The following IGSF21 variants were observed in gnomAD, a reference collection of about 807,000 sequenced individuals.
The protein encoded by IGSF21 is immunoglobin superfamily member 21.
A neutral mutation model predicts 46.8 loss-of-function variants in IGSF21; 28 were observed. The observed-to-expected ratio is 0.60, with a 90% confidence interval of 0.44 to 0.82. IGSF21 has a LOEUF of 0.82. Among genes scored for constraint, IGSF21 ranks in the 40% least tolerant of loss-of-function variants. The probability of loss-of-function intolerance (pLI) is 0.00; values close to 1 mark genes in which losing one functional copy is unlikely to be tolerated. For synonymous variants in IGSF21, 284 were observed against 273.6 expected, an observed-to-expected ratio of 1.04 and a Z score of -0.38; for missense variants, 624 against 665.5, an observed-to-expected ratio of 0.94 and a Z score of 0.69.
At chr1:18,304,229 C>T (rs2085389636) in intron 3 of IGSF21, among the ~76,000 whole-genome samples, 1 of 152,182 alleles carries the variant, frequency 6.6e-6, no homozygotes, top group Admixed American at 6.5e-5. Context: ...CTTGCTCTGG[C>T]TGAGGGTGTA....
intron 2 of IGSF21, among the ~76,000 whole-genome samples, chr1:18,285,478 T>C (rs1438404178): frequency 6.6e-6 from 1 of 152,170 alleles, no homozygotes; most frequent in Non-Finnish European, 1.5e-5. Context: ...CTGACTCTTC[T>C]AGAATCAGAA....
intron 2 of IGSF21, chr1:18,278,986 G>C (rs1054991646): frequency 5.6e-5 from 26 of 461,218 alleles, no homozygotes; most frequent in African/African-American, 3.2e-4. Context: ...TGAAGCTATA[G>C]AACTAAGCTA....
chr1:18,293,908 C>T (rs976635601), intron 3 of IGSF21, among the ~76,000 whole-genome samples: 16 of 152,196 alleles, frequency 1.1e-4, no homozygotes, highest in South Asian at 4.1e-4. Flanking sequence ...GAGCACCACC[C>T]TCTCCTGCTT....
chr1:18,153,228 C>T (rs980329665), intron 1 of IGSF21, among the ~76,000 whole-genome samples: 3 of 152,176 alleles, frequency 2.0e-5, no homozygotes, highest in Non-Finnish European at 4.4e-5. Context: ...CATTCCCGGG[C>T]GTTGCTTCAG....
chr1:18,315,593 T>C (rs1409131578), intron 3 of IGSF21, among the ~76,000 whole-genome samples: 1 of 78,116 alleles, frequency 1.3e-5, no homozygotes, highest in Non-Finnish European at 2.8e-5. Flanking sequence ...GGGTAGAGGG[T>C]GGATGGACAG....
chr1:18,131,823 G>T (rs1472206392), intron 1 of IGSF21, among the ~76,000 whole-genome samples: 1 of 152,158 alleles, frequency 6.6e-6, no homozygotes, highest in Non-Finnish European at 1.5e-5. Context: ...GCCTGGAAGT[G>T]GCACATGCCT....
At chr1:18,127,517 C>T (rs778998354) in intron 1 of IGSF21, among the ~76,000 whole-genome samples, 9 of 152,040 alleles carry the variant, frequency 5.9e-5, no homozygotes, top group Non-Finnish European at 1.3e-4. Context: ...AGGGTGGGGC[C>T]TACTTAGGTC....
At chr1:18,329,305 AT>A (rs1181073572) in intron 3 of IGSF21, among the ~76,000 whole-genome samples, 3 of 152,216 alleles carry the variant, frequency 2.0e-5, no homozygotes, top group South Asian at 2.1e-4. Context: ...ACCTCCCCAG[AT>A]GCTGTAATCC....
intron 4 of IGSF21, among the ~76,000 whole-genome samples, chr1:18,359,383 A>AAGGAAGGAAGGAAGG: frequency 1.6e-5 from 1 of 61,106 alleles, no homozygotes; most frequent in Non-Finnish European, 3.2e-5. Flanking sequence ...AGAAAGAAAG[A>AAGGAAGGAAGGAAGG]AAGGAAGGAA....
At chr1:18,368,782 G>A (rs1019101274) in intron 6 of IGSF21, among the ~76,000 whole-genome samples, 4 of 152,244 alleles carry the variant, frequency 2.6e-5, no homozygotes, top group South Asian at 2.1e-4. Context: ...GGCTTCCAGC[G>A]GGGTGGCACC....
At chr1:18,301,364 C>T (rs544585648) in intron 3 of IGSF21, among the ~76,000 whole-genome samples, 67 of 152,206 alleles carry the variant, frequency 4.4e-4, no homozygotes, top group African/African-American at 1.6e-3. Flanking sequence ...TTTTGAGACA[C>T]AGTCTTGCTC....
chr1:18,268,448 G>A (rs2124543084), intron 2 of IGSF21, among the ~76,000 whole-genome samples: 1 of 152,282 alleles, frequency 6.6e-6, no homozygotes, highest in South Asian at 2.1e-4. Context: ...AGTGCTTTTG[G>A]GCTGTGGCTG....
intron 1 of IGSF21, among the ~76,000 whole-genome samples, chr1:18,142,294 C>G (rs548530884): frequency 6.6e-6 from 1 of 152,148 alleles, no homozygotes; most frequent in Non-Finnish European, 1.5e-5. Context: ...GTAGGAGGCT[C>G]GTCTCCATTT....
At chr1:18,327,005 A>G (rs914562685) in intron 3 of IGSF21, among the ~76,000 whole-genome samples, 1 of 152,222 alleles carries the variant, frequency 6.6e-6, no homozygotes, top group African/African-American at 2.4e-5. Flanking sequence ...CCTGTGCCAC[A>G]ACATCCTCTA....
At chr1:18,275,438 G>A (rs2085091117) in intron 2 of IGSF21, among the ~76,000 whole-genome samples, 1 of 152,190 alleles carries the variant, frequency 6.6e-6, no homozygotes, top group Admixed American at 6.5e-5. Flanking sequence ...ATGAGAAGCA[G>A]AGGTGGGCCC....
At chr1:18,205,152 A>AGAGAGAGT (rs1392580425) in intron 1 of IGSF21, among the ~76,000 whole-genome samples, 4 of 151,864 alleles carry the variant, frequency 2.6e-5, no homozygotes, top group African/African-American at 9.7e-5. Flanking sequence ...AGAGAGAGAG[A>AGAGAGAGT]GAGAGAGAAA....
chr1:18,134,236 G>A (rs958167287), intron 1 of IGSF21, among the ~76,000 whole-genome samples: 1 of 152,100 alleles, frequency 6.6e-6, no homozygotes, highest in Admixed American at 6.5e-5. Context: ...CATTACCTGG[G>A]GAGCTGGCAT....
intron 2 of IGSF21, among the ~76,000 whole-genome samples, chr1:18,266,925 G>A (rs1393915344): frequency 1.3e-5 from 2 of 152,104 alleles, no homozygotes; most frequent in Non-Finnish European, 2.9e-5. Flanking sequence ...AACTGAAAGG[G>A]AGACCCAGCA....
At chr1:18,178,208 G>T (rs1031406600) in intron 1 of IGSF21, among the ~76,000 whole-genome samples, 1 of 152,150 alleles carries the variant, frequency 6.6e-6, no homozygotes, top group Non-Finnish European at 1.5e-5. Flanking sequence ...CCGCAGGCCA[G>T]CCCCAAAATG....
Sources: allele counts gnomAD v4.1 joint callset (sites outside exome capture counted in the v4.1 genomes callset), GRCh38; gene constraint gnomAD v4.1.1; transcripts MANE v1.5; gene names NCBI Gene and HGNC (gene_info 2026-07-23, HGNC 2026-07-21).